HCFC2: variants seen among roughly 807,000 people sequenced by gnomAD.
The protein encoded by HCFC2 is host cell factor C2.
HCFC2 carries 18 observed loss-of-function variants against 89.2 expected under a neutral mutation model. That is an observed-to-expected ratio of 0.20 (90% confidence interval 0.14 to 0.30). The LOEUF (loss-of-function observed/expected upper bound fraction) is 0.30, where lower values mean the gene tolerates loss of function less well. Among genes scored for constraint, HCFC2 ranks in the 10% least tolerant of loss-of-function variants. The probability of loss-of-function intolerance (pLI) is 1.00; values close to 1 mark genes in which losing one functional copy is unlikely to be tolerated. For missense variants in HCFC2, 578 were observed against 956.1 expected (o/e 0.60, Z 5.21); for synonymous variants, 308 against 335.7 (o/e 0.92, Z 0.90).
At chr12:104,066,087 T>A (rs1883126056) in intron 1 of HCFC2, 80 bp from the exon 2 acceptor site, 1 of 1,352,988 alleles carries the variant, frequency 7.4e-7, no homozygotes, top group Admixed American at 1.9e-5. Context: ...GACCCACTGA[T>A]ATTGATGATA....
At chr12:104,094,264 A>G (rs1566235064) in intron 10 of HCFC2, among the ~76,000 whole-genome samples, 1 of 152,204 alleles carries the variant, frequency 6.6e-6, no homozygotes, top group African/African-American at 2.4e-5. Flanking sequence ...AGAAATTAAG[A>G]GTATTTAAAT....
chr12:104,087,035 A>G (rs1566232062), intron 8 of HCFC2, 21 bp downstream of exon 8: 1 of 1,611,806 alleles, frequency 6.2e-7, no homozygotes, highest in African/African-American at 1.3e-5. Context: ...TTTCATGCTT[A>G]AAGTATGTGT....
chr12:104,098,412 T>G lies in HCFC2; in HGVS notation c.1810T>G (p.Phe604Val), dbSNP rs1443657088. The G allele has an allele frequency of 6.2e-7, 1 of 1,613,106 alleles. No homozygotes were observed. Among genetic ancestry groups the G allele is most frequent in the Admixed American group, 1.7e-5 (1 of 59,938 alleles). The change falls in exon 13 of 15, where the codon TTT (phenylalanine) becomes GTT (valine). Residue 604 changes from phenylalanine (F) to valine (V), a missense_variant. Phe to Val is a conservative substitution (Grantham distance 50). Around this residue, in one of 4 missense-constraint regions of HCFC2, gnomAD observed 140 missense variants for 266.4 expected, o/e 0.53. Coordinates refer to ENST00000229330, the MANE Select transcript of HCFC2 (RefSeq NM_013320.3). ...GERQWCDVGIFKNNTALVSQF... is the reference protein window; with the variant it reads ...GERQWCDVGIVKNNTALVSQF... ...ACGACAATGGTGTGATGTGGGAATT[T>G]TTAAAAATAATACAGCTTTGGTGAG... is the stretch of plus-strand genomic sequence containing the variant.
chr12:104,076,854 C>G (rs1334987684), intron 3 of HCFC2, among the ~76,000 whole-genome samples: 1 of 152,188 alleles, frequency 6.6e-6, no homozygotes, highest in Non-Finnish European at 1.5e-5. Context: ...TTATTCTGCC[C>G]TTGTATTTTG....
At chr12:104,085,883 A>G (rs941203225) in intron 7 of HCFC2, among the ~76,000 whole-genome samples, 1 of 148,846 alleles carries the variant, frequency 6.7e-6, no homozygotes, top group Non-Finnish European at 1.5e-5. Flanking sequence ...TTACTTCCAT[A>G]TCTCTATATC....
At chr12:104,080,923 T>G in intron 5 of HCFC2, 93 bp downstream of exon 5, 2 of 762,054 alleles carry the variant, frequency 2.6e-6, no homozygotes, top group South Asian at 3.5e-5. Context: ...TTCTTGGAAA[T>G]AGATTATGAA....
chr12:104,070,788 C>T (rs1883296321), intron 3 of HCFC2, among the ~76,000 whole-genome samples: 2 of 150,144 alleles, frequency 1.3e-5, no homozygotes, highest in Admixed American at 1.3e-4. Flanking sequence ...CACAGTAATC[C>T]GGATACTTTT....
At chr12:104,092,320 G>C (rs1029836128) in intron 9 of HCFC2, among the ~76,000 whole-genome samples, 3 of 151,926 alleles carry the variant, frequency 2.0e-5, no homozygotes, top group Non-Finnish European at 4.4e-5. Flanking sequence ...AGAAAAATTA[G>C]CTGGGCATGC....
At chr12:104,093,991 G>C (rs528942703) in intron 10 of HCFC2, among the ~76,000 whole-genome samples, 31 of 152,234 alleles carry the variant, frequency 2.0e-4, no homozygotes, top group Non-Finnish European at 2.5e-4. Context: ...TCATCTATTA[G>C]ACTTGACAAC....
chr12:104,066,502 T>C (rs570193064), intron 2 of HCFC2, among the ~76,000 whole-genome samples, 187 bp downstream of exon 2: 1 of 152,362 alleles, frequency 6.6e-6, no homozygotes, highest in East Asian at 1.9e-4. Context: ...TTTTATAGCT[T>C]TATAGAAAAT....
intron 3 of HCFC2, among the ~76,000 whole-genome samples, chr12:104,071,693 TCC>T (rs1446971188): frequency 1.3e-5 from 2 of 152,210 alleles, no homozygotes; most frequent in Non-Finnish European, 2.9e-5. Context: ...GCACAAGTGA[TCC>T]TCCCACCTCA....
At chr12:104,082,368 G>T in intron 5 of HCFC2, 132 bp from the exon 6 acceptor site, 1 of 590,208 alleles carries the variant, frequency 1.7e-6, no homozygotes, top group African/African-American at 1.9e-5. Context: ...CCATTACCTT[G>T]ACAATGGTAA....
rs983394368 is a variant in HCFC2, at chr12:104,082,556, C to T, written c.824C>T (p.Pro275Leu). The change falls in exon 6 of 15, where the codon CCT becomes CTT. Residue 275 changes from proline (P) to leucine (L), a missense_variant. By Grantham distance (98) the Pro-to-Leu change is moderately conservative. This residue lies in a region of HCFC2 where 206 missense variants were observed against 419.2 expected (regional missense o/e 0.49). Transcript: ENST00000229330. ...PHKGENTETS[P>L]HDCEWRCTSS... ...AAGGGGGAAAATACTGAGACTTCAC[C>T]TCATGATTGTGAATGGAGATGTACC... 6.8e-6 allele frequency: 11 copies of T among 1,613,614 alleles called. No homozygotes were observed. The highest frequency in any genetic ancestry group is 2.2e-5 in the East Asian group (1 of 44,866).
chr12:104,066,216 C>T lies in HCFC2; in HGVS notation c.213C>T (p.Gly71=), dbSNP rs1274847987. Residue 71 remains glycine, a synonymous_variant, in exon 2 of 15, where the codon GGC becomes GGT. Transcript: ENST00000229330. The stretch of plus-strand genomic sequence containing the variant: ...CTGTTAGAGGAGATATCCCTCCAGG[C>T]TGTGCTGCCCATGGATTTGTCTGTG... ...LPAVRGDIPP[G]CAAHGFVCDG... 1.2e-6 allele frequency: 2 copies of T among 1,613,266 alleles called. No homozygotes were observed. Among genetic ancestry groups the T allele is most frequent in the East Asian group, 2.2e-5 (1 of 44,870 alleles).
intron 3 of HCFC2, among the ~76,000 whole-genome samples, 188 bp from the exon 4 acceptor site, chr12:104,079,257 C>G (rs993635834): frequency 1.3e-5 from 2 of 152,262 alleles, no homozygotes; most frequent in East Asian, 1.9e-4. Flanking sequence ...AGAAGAGTGC[C>G]TGGTACATAG....
intron 13 of HCFC2, among the ~76,000 whole-genome samples, chr12:104,098,745 A>T (rs1040440969): frequency 6.6e-6 from 1 of 152,214 alleles, no homozygotes; most frequent in African/African-American, 2.4e-5. Flanking sequence ...TCACGCCTGT[A>T]ATCCCAGCAC....
At chr12:104,074,529 G>A (rs2136600443) in intron 3 of HCFC2, among the ~76,000 whole-genome samples, 1 of 152,158 alleles carries the variant, frequency 6.6e-6, no homozygotes, top group Admixed American at 6.5e-5. Flanking sequence ...GTATATTGAG[G>A]TAGTTTAAAT....
At position 104,077,264 on chromosome 12, in the gene HCFC2, A is replaced by G. The variant is rs1321674728; in HGVS notation, c.474-2181A>G. Among the ~76,000 whole-genome samples the G allele has an allele frequency of 2.0e-5, 3 of 147,582 alleles. No individual in the cohort carries two copies. In the East Asian group the frequency reaches 5.9e-4, roughly 29 times the overall value. On this transcript the variant is annotated intron_variant, in intron 3 of 14. Coordinates refer to ENST00000229330, the MANE Select transcript of HCFC2 (RefSeq NM_013320.3). ...TTTTGTTTTTTGTTTTTTTTTTGAG[A>G]CGGAGTCTCGTTGTGTCACCCAGGC...
chr12:104,083,114 A>C (rs901239762), intron 7 of HCFC2, among the ~76,000 whole-genome samples: 1 of 152,156 alleles, frequency 6.6e-6, no homozygotes, highest in Non-Finnish European at 1.5e-5. Flanking sequence ...CTTTGCAAAG[A>C]ATAAAGTATG....
Sources: gnomAD v4.1 joint callset for allele counts (sites outside exome capture counted in the v4.1 genomes callset) on GRCh38, gnomAD v4.1.1 for gene constraint, gnomAD v4.1.1 regional missense constraint, MANE v1.5 for transcripts, NCBI Gene and HGNC (gene_info 2026-07-23, HGNC 2026-07-21) for gene names.